Variants in MAD1L1 observed in about 807,000 individuals in gnomAD.
MAD1L1 encodes mitotic spindle assembly checkpoint protein MAD1.
Under a neutral mutation model 96.9 loss-of-function variants are expected in MAD1L1, and 95 were observed. The observed-to-expected ratio is 0.98, with a 90% CI of 0.83 to 1.16. The LOEUF (loss-of-function observed/expected upper bound fraction) is 1.16. MAD1L1 is among the 50% of genes most tolerant of loss of function. MAD1L1 has a pLI of 0.00. For missense variants in MAD1L1, 1,007 were observed against 954.4 expected (o/e 1.06, Z -0.73); for synonymous variants, 473 against 396.6 (o/e 1.19, Z -2.29).
At chr7:2,100,595 C>A (rs1786729523) in intron 11 of MAD1L1, among the ~76,000 whole-genome samples, 2 of 152,246 alleles carry the variant, frequency 1.3e-5, no homozygotes, top group Admixed American at 1.3e-4. Context: ...GAGATGCTGT[C>A]CGTGTCCTGG....
chr7:2,160,381 G>A (rs1790046828), intron 10 of MAD1L1, among the ~76,000 whole-genome samples: 1 of 145,414 alleles, frequency 6.9e-6, no homozygotes, highest in African/African-American at 2.6e-5. Flanking sequence ...GGCCCAGGCT[G>A]GAGTGCAGTG....
chr7:1,942,022 C>T (rs768405215), intron 16 of MAD1L1, among the ~76,000 whole-genome samples: 2 of 152,196 alleles, frequency 1.3e-5, no homozygotes, highest in Non-Finnish European at 2.9e-5. Context: ...CACCCGCTCA[C>T]GTCCCCACCG....
At chr7:1,989,643 G>A (rs866145670) in intron 14 of MAD1L1, among the ~76,000 whole-genome samples, 4 of 151,982 alleles carry the variant, frequency 2.6e-5, no homozygotes, top group African/African-American at 4.8e-5. Flanking sequence ...CAGCCTCAGC[G>A]TGGACCAGCC....
intron 15 of MAD1L1, among the ~76,000 whole-genome samples, chr7:1,973,770 C>T (rs1040981470): frequency 2.0e-5 from 3 of 152,130 alleles, no homozygotes; most frequent in South Asian, 2.1e-4. Context: ...TGCTCTGCCT[C>T]GGTGCTGGGT....
At chr7:1,903,374 G>A (rs377743931) in intron 17 of MAD1L1, among the ~76,000 whole-genome samples, 6 of 150,924 alleles carry the variant, frequency 4.0e-5, no homozygotes, top group African/African-American at 1.5e-4. Flanking sequence ...ACTGTTCCAG[G>A]CAGCGAGGAC....
In MAD1L1 at chr7:2,197,713, C is replaced by T. The variant is rs116801170; in HGVS notation, c.986+15499G>A. On this transcript the variant is annotated intron_variant, in intron 10 of 18. Coordinates refer to ENST00000265854, the MANE Select transcript of MAD1L1 (RefSeq NM_001013836.2). ...CTCTGGCTCTGCCACTCCCCTAGGC[C>T]GGCTCATCCCTGCCCCTCACTGGGC... Among the ~76,000 whole-genome samples the T allele has an allele frequency of 9.0e-3, 1,371 of 152,352 alleles. 21 individuals are homozygous for T. Among genetic ancestry groups the T allele is most frequent in the African/African-American group, 0.031 (1,284 of 41,586 alleles).
intron 18 of MAD1L1, among the ~76,000 whole-genome samples, chr7:1,820,065 G>C (rs1326205781): frequency 6.6e-6 from 1 of 152,154 alleles, no homozygotes; most frequent in Non-Finnish European, 1.5e-5. Context: ...CTGTTCATCT[G>C]TGGGGTGGCG....
At chr7:2,207,648 C>T (rs762450095) in intron 10 of MAD1L1, among the ~76,000 whole-genome samples, 7 of 152,194 alleles carry the variant, frequency 4.6e-5, no homozygotes, top group African/African-American at 7.2e-5. Flanking sequence ...CTGTATTATT[C>T]GTAACATCCT....
intron 17 of MAD1L1, among the ~76,000 whole-genome samples, chr7:1,931,740 T>C (rs983283921): frequency 4.0e-5 from 6 of 150,336 alleles, no homozygotes; most frequent in Non-Finnish European, 5.9e-5. Context: ...CCCTTACGAC[T>C]GTGTGAGGCT....
chr7:1,967,210 A>C (rs1030179051), intron 15 of MAD1L1, among the ~76,000 whole-genome samples: 82 of 152,206 alleles, frequency 5.4e-4, no homozygotes, highest in African/African-American at 1.9e-3. Context: ...GGCAGTGATA[A>C]GTACTCTAAT....
chr7:1,816,055 C>G lies in MAD1L1; in HGVS notation c.*15G>C. 1 of 1,600,724 alleles carries G rather than the reference C, an allele frequency of 6.2e-7. No homozygotes were observed. Among genetic ancestry groups the G allele is most frequent in the South Asian group, 1.1e-5 (1 of 89,722 alleles). On this transcript the variant is annotated 3_prime_UTR_variant, in exon 19 of 19. Transcript: ENST00000265854. ...CCAAGCAGAGTGGCTCCGGCTATGC[C>G]CCCGAGCCTGCAGGCTACGCCACGG... is the stretch of plus-strand genomic sequence containing the variant.
chr7:1,937,595 A>G (rs1186249863), intron 16 of MAD1L1, among the ~76,000 whole-genome samples: 8 of 151,030 alleles, frequency 5.3e-5, no homozygotes, highest in East Asian at 1.9e-4. Context: ...CACAGCAGGG[A>G]ACAGCCGCCC....
At chr7:1,929,113 A>G (rs1052615748) in intron 17 of MAD1L1, among the ~76,000 whole-genome samples, 2 of 152,076 alleles carry the variant, frequency 1.3e-5, no homozygotes, top group Non-Finnish European at 2.9e-5. Context: ...GGTGGATTCC[A>G]GGCAGAGCAA....
At chr7:1,891,647 A>G (rs1786546917) in intron 18 of MAD1L1, among the ~76,000 whole-genome samples, 1 of 152,110 alleles carries the variant, frequency 6.6e-6, no homozygotes, top group Admixed American at 6.5e-5. Flanking sequence ...GCGCGATCAT[A>G]GTTTTCACCG....
intron 11 of MAD1L1, among the ~76,000 whole-genome samples, chr7:2,112,688 G>A (rs189191512): frequency 1.2e-4 from 18 of 152,296 alleles, no homozygotes; most frequent in Admixed American, 4.6e-4. Flanking sequence ...GGTGTCCACC[G>A]AGGGGCCCTG....
intron 12 of MAD1L1, among the ~76,000 whole-genome samples, chr7:2,048,208 C>T (rs913469454): frequency 2.0e-5 from 3 of 152,242 alleles, no homozygotes; most frequent in Non-Finnish European, 4.4e-5. Context: ...GACGCACACG[C>T]GTGCTCTCAG....
chr7:2,113,725 T>C (rs1355549456), intron 11 of MAD1L1, among the ~76,000 whole-genome samples: 1 of 152,206 alleles, frequency 6.6e-6, no homozygotes, highest in Non-Finnish European at 1.5e-5. Flanking sequence ...CAACAGAACA[T>C]GGTGATGTCG....
chr7:1,910,314 G>A (rs1282207803), intron 17 of MAD1L1, among the ~76,000 whole-genome samples: 8 of 152,202 alleles, frequency 5.3e-5, no homozygotes, highest in African/African-American at 7.2e-5. Context: ...GTGGGGGGAC[G>A]TGGCACCTGC....
intron 12 of MAD1L1, among the ~76,000 whole-genome samples, chr7:2,057,314 T>C (rs1371126697): frequency 2.6e-5 from 4 of 152,180 alleles, no homozygotes; most frequent in African/African-American, 9.7e-5. Context: ...TCACTTGACG[T>C]GAGAAGTTCC....
Sources: allele counts gnomAD v4.1 joint callset (sites outside exome capture counted in the v4.1 genomes callset), GRCh38; gene constraint gnomAD v4.1.1; transcripts MANE v1.5; gene names NCBI Gene and HGNC (gene_info 2026-07-23, HGNC 2026-07-21).